The following GRK5 variants were observed in gnomAD, a reference collection of about 807,000 sequenced individuals.
GRK5 encodes g protein-coupled receptor kinase GRK5.
Under a neutral mutation model 78.4 loss-of-function variants are expected in GRK5, and 40 were observed. The observed-to-expected ratio is 0.51, with a 90% confidence interval of 0.40 to 0.66. The LOEUF is 0.66. GRK5 is among the 30% of genes least tolerant of loss of function. The probability of loss-of-function intolerance (pLI) is 0.00; values close to 1 mark genes in which losing one functional copy is unlikely to be tolerated. For missense variants in GRK5, 598 were observed against 759.9 expected (o/e 0.79, Z 2.50); for synonymous variants, 289 against 296.8 (o/e 0.97, Z 0.27).
At chr10:119,364,593 C>T (rs1276825175) in intron 2 of GRK5, among the ~76,000 whole-genome samples, 1 of 152,128 alleles carries the variant, frequency 6.6e-6, no homozygotes, top group East Asian at 1.9e-4. Flanking sequence ...ACCCCAGCTG[C>T]CCACTTTAGC....
chr10:119,448,191 C>T lies in GRK5; in HGVS notation c.1335C>T (p.His445=). Residue 445 remains histidine, a synonymous_variant, in exon 13 of 16, where the codon CAC becomes CAT. Transcript: ENST00000392870. The part of the protein sequence containing the change: ...QEEGAAEVKR[H]PFFRNMNFKR... ...AGGGGGCTGCAGAGGTCAAGAGACA[C>T]CCCTTCTTCAGGAACATGAACTTCA... 4.4e-6 allele frequency: 7 copies of T among 1,591,124 alleles called. No individual in the cohort carries two copies. The highest frequency in any genetic ancestry group is 6.0e-6 in the Non-Finnish European group (7 of 1,170,598).
chr10:119,390,122 C>A (rs7095121), intron 3 of GRK5, among the ~76,000 whole-genome samples: 17,055 of 152,158 alleles, frequency 0.11, 1,069 homozygotes, highest in Middle Eastern at 0.2. Context: ...GGAAAAGCAG[C>A]TGGTGGGGGT....
At chr10:119,343,668 G>C (rs1456618549) in intron 2 of GRK5, among the ~76,000 whole-genome samples, 1 of 152,234 alleles carries the variant, frequency 6.6e-6, no homozygotes, top group African/African-American at 2.4e-5. Flanking sequence ...GAGGTCATGA[G>C]GCAGAAGGTC....
chr10:119,309,140 GT>G (rs761975255), intron 1 of GRK5, among the ~76,000 whole-genome samples: 58 of 152,310 alleles, frequency 3.8e-4, no homozygotes, highest in Non-Finnish European at 6.2e-4. Context: ...AGAAGAGAGG[GT>G]TCAGCCCAAG....
chr10:119,282,279 A>G (rs1409697976), intron 1 of GRK5, among the ~76,000 whole-genome samples: 1 of 152,126 alleles, frequency 6.6e-6, no homozygotes, highest in East Asian at 1.9e-4. Context: ...CCTTTCTCTG[A>G]GCCTGGACCA....
intron 4 of GRK5, among the ~76,000 whole-genome samples, chr10:119,414,496 G>A (rs180825870): frequency 6.6e-6 from 1 of 152,330 alleles, no homozygotes; most frequent in Admixed American, 6.5e-5. Context: ...GGGAGGGCTT[G>A]TTCCTCAACA....
At chr10:119,309,903 C>A (rs1850331374) in intron 1 of GRK5, among the ~76,000 whole-genome samples, 1 of 152,182 alleles carries the variant, frequency 6.6e-6, no homozygotes, top group East Asian at 1.9e-4. Flanking sequence ...TGTGCCCAGA[C>A]CCCTGTCCTC....
intron 6 of GRK5, among the ~76,000 whole-genome samples, chr10:119,429,952 C>T (rs752458783): frequency 2.0e-5 from 3 of 152,088 alleles, no homozygotes; most frequent in Non-Finnish European, 2.9e-5. Context: ...TGACCTCCTT[C>T]GCGTCCTTTG....
intron 3 of GRK5, among the ~76,000 whole-genome samples, chr10:119,388,807 T>C (rs1004447052): frequency 6.6e-6 from 1 of 152,238 alleles, no homozygotes; most frequent in African/African-American, 2.4e-5. Context: ...ATCTGAAGGC[T>C]TGACCGTAGC....
intron 1 of GRK5, among the ~76,000 whole-genome samples, chr10:119,230,142 T>A (rs1848801868): frequency 6.6e-6 from 1 of 152,058 alleles, no homozygotes; most frequent in Non-Finnish European, 1.5e-5. Context: ...TAGGGTCATA[T>A]GGGGAGGTCT....
chr10:119,418,039 T>A (rs968721272), intron 4 of GRK5, among the ~76,000 whole-genome samples: 1 of 152,012 alleles, frequency 6.6e-6, no homozygotes, highest in Non-Finnish European at 1.5e-5. Flanking sequence ...AAGGAGTGAG[T>A]CATCGGGGGT....
chr10:119,252,218 C>T (rs900364760), intron 1 of GRK5, among the ~76,000 whole-genome samples: 2 of 152,210 alleles, frequency 1.3e-5, no homozygotes, highest in African/African-American at 4.8e-5. Context: ...GCTTGCCAGC[C>T]CCAGCTACAG....
intron 1 of GRK5, among the ~76,000 whole-genome samples, chr10:119,262,119 T>G (rs1255873052): frequency 6.6e-6 from 1 of 152,172 alleles, no homozygotes; most frequent in Non-Finnish European, 1.5e-5. Context: ...TGTTGTCAGA[T>G]GTACGTGTGT....
chr10:119,370,921 G>A (rs1312711676), intron 2 of GRK5, among the ~76,000 whole-genome samples: 1 of 151,694 alleles, frequency 6.6e-6, no homozygotes, highest in African/African-American at 2.4e-5. Context: ...ACCTTCAGTT[G>A]GTGGAGAGAT....
At chr10:119,230,794 G>C (rs1848814229) in intron 1 of GRK5, among the ~76,000 whole-genome samples, 1 of 127,178 alleles carries the variant, frequency 7.9e-6, no homozygotes, top group Non-Finnish European at 1.6e-5. Flanking sequence ...TTACATCACT[G>C]TACTCTAGCC....
chr10:119,358,472 C>T (rs1257968445), intron 2 of GRK5, among the ~76,000 whole-genome samples: 1 of 152,136 alleles, frequency 6.6e-6, no homozygotes, highest in Non-Finnish European at 1.5e-5. Context: ...AGCCTGGCCG[C>T]CTTCTCCTGG....
At position 119,379,607 on chromosome 10, in the gene GRK5, G is replaced by A. The variant is rs1178016228; in HGVS notation, c.149-1208G>A. Among the ~76,000 whole-genome samples, 2 of 152,042 alleles carry A rather than the reference G, an allele frequency of 1.3e-5. No individual in the cohort carries two copies. Among genetic ancestry groups the A allele is most frequent in the Non-Finnish European group, 2.9e-5 (2 of 67,994 alleles). ...GTTGCTGTCCTTCCCAGGCTCTATC[G>A]CCCTCTTCCCTGTTTCCCACGAACT... On this transcript the variant is annotated intron_variant, in intron 2 of 15. Transcript: ENST00000392870. This position sits in a 1 kb window ranked among gnomAD's most constrained non-coding sequence, Gnocchi z 4.1.
At chr10:119,408,163 C>CAAAAA (rs34029208) in intron 4 of GRK5, among the ~76,000 whole-genome samples, 6 of 73,916 alleles carry the variant, frequency 8.1e-5, no homozygotes, top group South Asian at 4.9e-4. Flanking sequence ...AACTCCATCT[C>CAAAAA]AAAAAAAAAA....
intron 2 of GRK5, among the ~76,000 whole-genome samples, chr10:119,351,485 T>C (rs934678985): frequency 1.3e-5 from 2 of 152,106 alleles, no homozygotes; most frequent in Non-Finnish European, 2.9e-5. Flanking sequence ...TGGCTCTCAT[T>C]CTCTCTTGCC....
Sources: allele counts gnomAD v4.1 joint callset (sites outside exome capture counted in the v4.1 genomes callset), GRCh38; gene constraint gnomAD v4.1.1; non-coding constraint Gnocchi (gnomAD v3.1); transcripts MANE v1.5; gene names NCBI Gene and HGNC (gene_info 2026-07-23, HGNC 2026-07-21).